The following KRT86 variants were observed in gnomAD, a reference collection of about 807,000 sequenced individuals.
KRT86 encodes the protein keratin, type II cuticular Hb6.
Under a neutral mutation model 41.2 loss-of-function variants are expected in KRT86, and 30 were observed. The observed-to-expected ratio is 0.73, with a 90% CI of 0.54 to 0.99. The LOEUF is 0.99. Ranked by LOEUF, KRT86 falls within the 50% of genes least tolerant of loss-of-function variation. KRT86 has a pLI of 0.00. For synonymous variants in KRT86, 238 were observed against 238.1 expected (o/e 1.00, Z 0.00); for missense variants, 561 against 571.4 (o/e 0.98, Z 0.19).
At chr12:52,294,731 C>A (rs1938210753) in intron 2 of KRT86, among the ~76,000 whole-genome samples, 1 of 152,160 alleles carries the variant, frequency 6.6e-6, no homozygotes, top group East Asian at 1.9e-4. Context: ...TCTGATTGTA[C>A]CCTACTCCTT....
At chr12:52,278,367 C>G (rs1937686167) in intron 2 of KRT86, among the ~76,000 whole-genome samples, 1 of 151,756 alleles carries the variant, frequency 6.6e-6, no homozygotes, top group South Asian at 2.1e-4. Flanking sequence ...GCTCTGGGGT[C>G]TCCTGTAGAG....
chr12:52,278,448 T>TG (rs1329632542), intron 2 of KRT86, among the ~76,000 whole-genome samples: 1 of 151,402 alleles, frequency 6.6e-6, no homozygotes, highest in Non-Finnish European at 1.5e-5. Flanking sequence ...GTTTTTTTTT[T>TG]TTTTTTTTTG....
At chr12:52,307,736 T>C (rs1214607960) in intron 9 of KRT86, among the ~76,000 whole-genome samples, 1 of 152,206 alleles carries the variant, frequency 6.6e-6, no homozygotes, top group Non-Finnish European at 1.5e-5. Context: ...TTTTAGGTGG[T>C]GCAGGAAGGA....
In KRT86 at chr12:52,305,795, G is replaced by A; in HGVS notation, c.1026+7G>A. On this transcript the variant is annotated splice_region_variant and intron_variant, in intron 8 of 10. Transcript: ENST00000423955. ...GGAGAATGCCAAGTGCCAGGTATGG[G>A]GCATCTGTGCCCAAGGTCAGAGAGA... is the stretch of plus-strand genomic sequence containing the variant. The A allele has an allele frequency of 6.2e-7, 1 of 1,613,980 alleles. No homozygotes were observed. Among genetic ancestry groups the A allele is most frequent in the Non-Finnish European group, 8.5e-7 (1 of 1,179,870 alleles).
chr12:52,281,173 C>T (rs1037708994), intron 2 of KRT86, among the ~76,000 whole-genome samples: 2 of 152,210 alleles, frequency 1.3e-5, no homozygotes, highest in African/African-American at 4.8e-5. Context: ...GAGTCATTCC[C>T]CAGCCCATTT....
chr12:52,298,567 G>T (rs1938301736), intron 2 of KRT86, among the ~76,000 whole-genome samples: 1 of 152,216 alleles, frequency 6.6e-6, no homozygotes, highest in African/African-American at 2.4e-5. Flanking sequence ...GCCAGGCTTA[G>T]TTCTCAGTGA....
At position 52,288,495 on chromosome 12, in the gene KRT86, T is replaced by G. The variant is rs1321270842; in HGVS notation, c.-5+12549T>G. 12 of 1,610,598 alleles carry G rather than the reference T, an allele frequency of 7.5e-6. No homozygotes were observed. The East Asian group carries it at 2.7e-4, about 36-fold the overall frequency. The stretch of plus-strand genomic sequence containing the variant: ...GAGTGTTGGAGCTCAAGGACCCTGG[T>G]GATCCAGCCCCCAGACTCCTCTCTC... On this transcript the variant is annotated intron_variant, in intron 2 of 10. Transcript: ENST00000423955.
rs758272986 is a variant in KRT86, at chr12:52,308,540, C to A, written c.1416C>A (p.Pro472=). The part of the protein sequence containing the change: ...VVVGTTNACA[P]SARVGVCGGS... ...TGGGCACTACTAACGCCTGCGCCCCCTCCGCCCGGGTTGGCGTCTGCGGCG... is the reference window on the plus strand; with the variant it reads ...TGGGCACTACTAACGCCTGCGCCCCATCCGCCCGGGTTGGCGTCTGCGGCG... The change falls in exon 11 of 11, where the codon CCC becomes CCA. Residue 472 remains proline, a synonymous_variant. Coordinates refer to ENST00000423955, the MANE Select transcript of KRT86 (RefSeq NM_001320198.2). 3.1e-6 allele frequency: 5 copies of A among 1,601,630 alleles called. No individual in the cohort carries two copies. In the East Asian group the frequency reaches 1.1e-4, roughly 36 times the overall value.
Position 52,282,683 on chromosome 12 carries a change from A to C in KRT86, c.-5+6737A>C, listed in dbSNP as rs1937803321. Among the ~76,000 whole-genome samples, 2 of 152,080 alleles carry C rather than the reference A, an allele frequency of 1.3e-5. 1 individual carries two copies. Among genetic ancestry groups the C allele is most frequent in the South Asian group, 4.1e-4 (2 of 4,826 alleles). On this transcript the variant is annotated intron_variant, in intron 2 of 10. Coordinates refer to ENST00000423955, the MANE Select transcript of KRT86 (RefSeq NM_001320198.2). ...AGCAAGGGCTCCTTGGCCAGAGGGC[A>C]CCTCCCTAGTATGACCCCCAGCAGC...
chr12:52,288,013 C>T (rs772382898), intron 2 of KRT86: 3 of 1,614,240 alleles, frequency 1.9e-6, no homozygotes, highest in Non-Finnish European at 1.7e-6. Flanking sequence ...TCGGCCTCGG[C>T]CCGGCTGCGG....
rs372174710 is a variant in KRT86 at position 52,306,269 on chromosome 12, C to G, written c.1236C>G (p.Gly412=). Residue 412 remains glycine (G), a synonymous_variant, in exon 9 of 11, where the codon GGC becomes GGG. Coordinates refer to ENST00000423955, the MANE Select transcript of KRT86 (RefSeq NM_001320198.2). ...EIATYRRLLE[G]EEQRLCEGVG... ...CCACCTACAGGCGCCTGCTGGAGGGCGAGGAGCAGAGGTGGGTCCCATAGA... is the reference window on the plus strand; with the variant it reads ...CCACCTACAGGCGCCTGCTGGAGGGGGAGGAGCAGAGGTGGGTCCCATAGA... 1 of 1,613,464 alleles carries G rather than the reference C, an allele frequency of 6.2e-7. No individual in the cohort carries two copies. The highest frequency in any genetic ancestry group is 1.1e-5 in the South Asian group (1 of 91,048).
chr12:52,293,750 AC>A (rs1236350712), intron 2 of KRT86, among the ~76,000 whole-genome samples: 1 of 152,124 alleles, frequency 6.6e-6, no homozygotes, highest in South Asian at 2.1e-4. Flanking sequence ...CCAGTGAACC[AC>A]CCCCCACTCC....
intron 2 of KRT86, among the ~76,000 whole-genome samples, chr12:52,293,982 G>T (rs573758261): frequency 6.6e-6 from 1 of 152,288 alleles, no homozygotes; most frequent in East Asian, 1.9e-4. Context: ...GGCTCTCAGG[G>T]TATCTGTGCA....
chr12:52,298,498 C>A (rs751015084), intron 2 of KRT86, among the ~76,000 whole-genome samples: 21 of 152,216 alleles, frequency 1.4e-4, no homozygotes, highest in Admixed American at 6.5e-4. Flanking sequence ...GATACGTCTG[C>A]AGCAGCAGCA....
chr12:52,279,043 G>C (rs545481670), intron 2 of KRT86: 1 of 152,256 alleles, frequency 6.6e-6, no homozygotes, highest in African/African-American at 2.4e-5. Flanking sequence ...CTTGGGGTGG[G>C]GGGAGGAAGG....
chr12:52,283,245 T>G (rs1191686365), intron 2 of KRT86, among the ~76,000 whole-genome samples: 2 of 7,390 alleles, frequency 2.7e-4, no homozygotes, highest in African/African-American at 1.4e-3. Flanking sequence ...AATACAAAAA[T>G]TAGCCCGGTG....
chr12:52,301,810 A>C, intron 2 of KRT86, 103 bp from the exon 3 acceptor site: 1 of 1,611,040 alleles, frequency 6.2e-7, no homozygotes, highest in South Asian at 1.1e-5. Context: ...CCACTTATAT[A>C]AAAGGCCTAC....
Position 52,308,821 on chromosome 12 carries a change from C to T in KRT86, c.*236C>T, listed in dbSNP as rs1370406696. 5.3e-6 allele frequency: 3 copies of T among 569,002 alleles called. No individual in the cohort carries two copies. The highest frequency in any genetic ancestry group is 3.0e-5 in the East Asian group (1 of 33,272). The allele number at this position is 569,002 out of a possible 1,614,324, so 35.2% of individuals were successfully genotyped here. Reference sequence around the variant, plus strand: ...CCTTTCCTGGTAGTCAATTTGTTGTCCCGAGGATTCATCTTTTTCTTCCGC... The same window carrying T: ...CCTTTCCTGGTAGTCAATTTGTTGTTCCGAGGATTCATCTTTTTCTTCCGC... On this transcript the variant is annotated 3_prime_UTR_variant, in exon 11 of 11. Transcript: ENST00000423955.
intron 2 of KRT86, among the ~76,000 whole-genome samples, chr12:52,292,182 C>T (rs973873105): frequency 3.3e-5 from 5 of 152,210 alleles, no homozygotes; most frequent in African/African-American, 7.2e-5. Flanking sequence ...ATTGATGCTC[C>T]ACCTGTTTAC....
Sources: gnomAD v4.1 joint callset for allele counts (sites outside exome capture counted in the v4.1 genomes callset) on GRCh38, gnomAD v4.1.1 for gene constraint, MANE v1.5 for transcripts, NCBI Gene and HGNC (gene_info 2026-07-23, HGNC 2026-07-21) for gene names.